FER: variants seen among roughly 807,000 people sequenced by gnomAD.
FER encodes FER tyrosine kinase, also known as tyrosine-protein kinase Fer.
Under a neutral mutation model 111.0 loss-of-function variants are expected in FER, and 63 were observed. That is an observed-to-expected ratio of 0.57 (90% CI 0.46 to 0.70). The LOEUF (loss-of-function observed/expected upper bound fraction) is 0.70. Among genes scored for constraint, FER ranks in the 30% least tolerant of loss-of-function variants. The pLI, the probability that FER is intolerant of heterozygous loss-of-function variation, is 0.00. For missense variants in FER, 914 were observed against 954.0 expected, an observed-to-expected ratio of 0.96 and a Z score of 0.55; for synonymous variants, 327 against 313.9, an observed-to-expected ratio of 1.04 and a Z score of -0.44.
At chr5:108,748,027 C>T (rs924419500) in intron 1 of FER, 27 bp downstream of exon 1, 2 of 152,248 alleles carry the variant, frequency 1.3e-5, no homozygotes, top group East Asian at 1.9e-4. Context: ...GGGGGCCACT[C>T]CCAGGACCTG....
At chr5:108,749,103 C>G (rs1238599797) in intron 1 of FER, 1 of 152,248 alleles carries the variant, frequency 6.6e-6, no homozygotes. Flanking sequence ...AATGCCTGCC[C>G]GCAGAGGGGC....
At chr5:108,848,201 C>T (rs1321385992) in intron 5 of FER, among the ~76,000 whole-genome samples, 3 of 152,144 alleles carry the variant, frequency 2.0e-5, no homozygotes, top group Non-Finnish European at 4.4e-5. Flanking sequence ...TTTTTTCATA[C>T]TTTAACCAGT....
intron 10 of FER, among the ~76,000 whole-genome samples, chr5:108,937,694 A>G (rs540727287): frequency 6.6e-5 from 10 of 151,914 alleles, no homozygotes; most frequent in Non-Finnish European, 1.3e-4. Context: ...TACATGGTCA[A>G]TAGAGTGGAA....
chr5:108,756,811 C>CT (rs1387853575), intron 1 of FER, among the ~76,000 whole-genome samples: 3 of 151,948 alleles, frequency 2.0e-5, no homozygotes, highest in Non-Finnish European at 4.4e-5. Flanking sequence ...TTGTATAGTT[C>CT]TTTTTTCTCC....
intron 5 of FER, among the ~76,000 whole-genome samples, chr5:108,866,612 A>G (rs1764094170): frequency 6.6e-6 from 1 of 152,100 alleles, no homozygotes; most frequent in Non-Finnish European, 1.5e-5. Flanking sequence ...CTAGAAACTG[A>G]TGCCTTGACA....
At chr5:108,806,825 G>T (rs542221036) in intron 3 of FER, among the ~76,000 whole-genome samples, 2 of 152,280 alleles carry the variant, frequency 1.3e-5, no homozygotes, top group East Asian at 3.9e-4. Flanking sequence ...AGGCGGAAGG[G>T]ACTTGCCTTG....
intron 17 of FER, among the ~76,000 whole-genome samples, chr5:109,109,728 A>G (rs1431733972): frequency 6.6e-6 from 1 of 152,150 alleles, no homozygotes; most frequent in African/African-American, 2.4e-5. Flanking sequence ...AGCTGAAGAT[A>G]CAGAAATGTT....
intron 13 of FER, among the ~76,000 whole-genome samples, chr5:108,995,779 G>C (rs919662239): frequency 2.0e-5 from 3 of 152,112 alleles, no homozygotes; most frequent in Non-Finnish European, 4.4e-5. Flanking sequence ...TGGGTAGATA[G>C]CCAGTAATGG....
intron 8 of FER, among the ~76,000 whole-genome samples, chr5:108,882,404 G>T (rs997565723): frequency 7.2e-5 from 11 of 151,730 alleles, no homozygotes; most frequent in African/African-American, 2.7e-4. Context: ...AATGTCATAT[G>T]CTTATTGATC....
chr5:108,938,024 TCTCACACACACACACACACA>T (rs1245383725), intron 10 of FER, among the ~76,000 whole-genome samples: 2 of 77,946 alleles, frequency 2.6e-5, no homozygotes, highest in Admixed American at 3.0e-4. Context: ...CCTATCTCTC[TCTCACACACACACACACACA>T]CACACACACA....
chr5:108,836,042 G>T, intron 5 of FER: 1 of 209,344 alleles, frequency 4.8e-6, no homozygotes, highest in Non-Finnish European at 9.5e-6. Context: ...TATGTAGCAT[G>T]TGTAATAGAA....
intron 2 of FER, among the ~76,000 whole-genome samples, chr5:108,778,816 A>G (rs765948335): frequency 6.6e-6 from 1 of 152,208 alleles, no homozygotes; most frequent in Non-Finnish European, 1.5e-5. Context: ...TATAATTTTA[A>G]TGAAGTTCAG....
intron 11 of FER, among the ~76,000 whole-genome samples, chr5:108,947,543 C>T (rs1243296418): frequency 6.6e-6 from 1 of 151,650 alleles, no homozygotes; most frequent in African/African-American, 2.4e-5. Context: ...TTTAAAATTG[C>T]TTATTTATTG....
chr5:108,968,060 G>A lies in FER; in HGVS notation c.1656+8713G>A, dbSNP rs752921324. Among the ~76,000 whole-genome samples, 45 of 152,202 alleles carry A rather than the reference G, an allele frequency of 3.0e-4. 1 individual carries two copies. Among genetic ancestry groups the A allele is most frequent in the Admixed American group, 3.9e-4 (6 of 15,274 alleles). On this transcript the variant is annotated intron_variant, in intron 13 of 19. Coordinates refer to ENST00000281092, the MANE Select transcript of FER (RefSeq NM_005246.4). The stretch of plus-strand genomic sequence containing the variant: ...AGAGAAGATATAATCAGAGAAACAA[G>A]CTGCAATGTATTTTACCACCTCCAA...
rs1469472553 is a variant in FER, at chr5:109,191,545, G to GAGAC, written c.*3977_*3980dup. The GAGAC allele has an allele frequency of 6.6e-6, 1 of 152,150 alleles. No individual in the cohort carries two copies. The highest frequency in any genetic ancestry group is 1.5e-5 in the Non-Finnish European group (1 of 68,008). The allele number at this position is 152,150 out of a possible 1,614,324, so 9.4% of individuals were successfully genotyped here. ...AGAACAGTGCAAAATAAGCAGCAGA[G>GAGAC]AGACAGACAGTTGGAAAAGACATGT... On this transcript the variant is annotated 3_prime_UTR_variant, in exon 20 of 20. Coordinates refer to ENST00000281092, the MANE Select transcript of FER (RefSeq NM_005246.4).
At chr5:108,993,947 GC>G (rs1416605950) in intron 13 of FER, among the ~76,000 whole-genome samples, 1 of 151,958 alleles carries the variant, frequency 6.6e-6, no homozygotes, top group African/African-American at 2.4e-5. Context: ...GTCTGTTCAT[GC>G]CCTTTGCCCA....
At chr5:108,930,639 G>C (rs1165890546) in intron 10 of FER, among the ~76,000 whole-genome samples, 2 of 89,702 alleles carry the variant, frequency 2.2e-5, no homozygotes, top group Non-Finnish European at 4.2e-5. Flanking sequence ...CTTCCTTTTT[G>C]AGACAGGGTC....
In FER at chr5:109,100,389, C is replaced by A. The variant is rs776207549; in HGVS notation, c.1925-7C>A. 2.7e-5 allele frequency: 43 copies of A among 1,609,198 alleles called. No homozygotes were observed. In the Admixed American group the frequency reaches 4.5e-4, roughly 17 times the overall value. On this transcript the variant is annotated splice_polypyrimidine_tract_variant and splice_region_variant and intron_variant, in intron 16 of 19. Coordinates refer to ENST00000281092, the MANE Select transcript of FER (RefSeq NM_005246.4). ...TTGTCTCATTGTTCATCTATCAATTCCTCTAGGAGGTGATTTCCTCACCTT... is the reference window on the plus strand; with the variant it reads ...TTGTCTCATTGTTCATCTATCAATTACTCTAGGAGGTGATTTCCTCACCTT...
rs763101267 is a variant in FER, at chr5:108,799,952, TG to T, written c.207+1564del. 2.6e-5 allele frequency among the ~76,000 whole-genome samples: 4 copies of T among 151,870 alleles called. No individual in the cohort carries two copies. The East Asian group carries it at 5.8e-4, about 22-fold the overall frequency. On this transcript the variant is annotated intron_variant, in intron 3 of 19. Transcript: ENST00000281092. Reference sequence around the variant, plus strand: ...CTGCCTCCCGGGTTCAGGTGATTCTTGTGTCTCCGCCTCATGAGTAGCTGGG... The same window carrying T: ...CTGCCTCCCGGGTTCAGGTGATTCTTTGTCTCCGCCTCATGAGTAGCTGGG...
Sources: gnomAD v4.1 joint callset for allele counts (sites outside exome capture counted in the v4.1 genomes callset) on GRCh38, gnomAD v4.1.1 for gene constraint, MANE v1.5 for transcripts, NCBI Gene and HGNC (gene_info 2026-07-23, HGNC 2026-07-21) for gene names.